ROBO2: variants seen among roughly 807,000 people sequenced by gnomAD.
The protein encoded by ROBO2 is roundabout guidance receptor 2, also known as roundabout homolog 2.
ROBO2 carries 53 observed loss-of-function variants against 160.8 expected under a neutral mutation model. The observed-to-expected ratio is 0.33, with a 90% CI of 0.26 to 0.41. The LOEUF (loss-of-function observed/expected upper bound fraction) is 0.41. Ranked by LOEUF, ROBO2 falls within the 10% of genes least tolerant of loss-of-function variation. ROBO2 has a pLI of 1.00. For synonymous variants in ROBO2, 664 were observed against 611.7 expected, an observed-to-expected ratio of 1.09 and a Z score of -1.26; for missense variants, 1,577 against 1,722.4, an observed-to-expected ratio of 0.92 and a Z score of 1.49.
intron 2 of ROBO2, among the ~76,000 whole-genome samples, chr3:76,905,654 A>G (rs1198082083): frequency 6.6e-6 from 1 of 152,146 alleles, no homozygotes; most frequent in Non-Finnish European, 1.5e-5. Flanking sequence ...CCTTTCCACC[A>G]GGATACTGCC....
intron 2 of ROBO2, among the ~76,000 whole-genome samples, chr3:76,102,903 C>T (rs1156963858): frequency 6.6e-6 from 1 of 151,752 alleles, no homozygotes; most frequent in African/African-American, 2.4e-5. Flanking sequence ...CGGCTCACTG[C>T]AAGCTCTGCC....
At chr3:77,489,199 G>A (rs1381761559) in intron 4 of ROBO2, among the ~76,000 whole-genome samples, 1 of 152,162 alleles carries the variant, frequency 6.6e-6, no homozygotes, top group Non-Finnish European at 1.5e-5. Flanking sequence ...ATGTTGATGT[G>A]TCATGTATGT....
chr3:76,036,604 A>G (rs2067117620), intron 2 of ROBO2, among the ~76,000 whole-genome samples: 1 of 151,858 alleles, frequency 6.6e-6, no homozygotes, highest in Admixed American at 6.6e-5. Flanking sequence ...TCCCAGGCTC[A>G]AGTGATTCTC....
At chr3:76,446,725 G>GA (rs1329704996) in intron 2 of ROBO2, among the ~76,000 whole-genome samples, 1 of 152,134 alleles carries the variant, frequency 6.6e-6, no homozygotes, top group East Asian at 1.9e-4. Context: ...AGAGCCCTCA[G>GA]AAATAATACC....
At chr3:77,044,933 C>T (rs945644532) in intron 1 of ROBO2, among the ~76,000 whole-genome samples, 13 of 152,112 alleles carry the variant, frequency 8.5e-5, no homozygotes, top group Non-Finnish European at 1.8e-4. Context: ...AATACATTGG[C>T]ATAGATATTG....
intron 2 of ROBO2, among the ~76,000 whole-genome samples, chr3:75,944,970 A>G (rs1021467647): frequency 6.6e-6 from 1 of 152,120 alleles, no homozygotes; most frequent in Non-Finnish European, 1.5e-5. Flanking sequence ...TTCATAGTTT[A>G]CGTACCTCCT....
chr3:76,273,510 G>A lies in ROBO2; in HGVS notation c.109+335908G>A, dbSNP rs555750126. ...TTGACTCACAGTTCTTCATGGCTGG[G>A]GAGGCCTCAGGAAACTTACAGTCAT... On this transcript the variant is annotated intron_variant, in intron 2 of 26. Coordinates refer to the ROBO2 transcript ENST00000487694. Among the ~76,000 whole-genome samples the A allele has an allele frequency of 1.1e-4, 17 of 152,180 alleles. 2 individuals carry two copies. The highest frequency in any genetic ancestry group is 4.1e-4 in the African/African-American group (17 of 41,530).
At chr3:75,908,330 T>G (rs1176870650) in intron 1 of ROBO2, among the ~76,000 whole-genome samples, 1 of 150,638 alleles carries the variant, frequency 6.6e-6, no homozygotes, top group Non-Finnish European at 1.5e-5. Flanking sequence ...ATTTTGTTCT[T>G]TCTTTAATGA....
rs74374824 is a variant in ROBO2, at chr3:76,808,527, A to C, written c.110-289487A>C. Among the ~76,000 whole-genome samples the C allele has an allele frequency of 1.2e-4, 18 of 152,274 alleles. No individual in the cohort carries two copies. The East Asian group carries it at 3.5e-3, about 29-fold the overall frequency. On this transcript the variant is annotated intron_variant, in intron 2 of 26. Coordinates refer to the ROBO2 transcript ENST00000487694. ...CAAAAAATAAGCAATGTAAATATAA[A>C]AAAGTTAAAATATATGGTATATAAG... is the stretch of plus-strand genomic sequence containing the variant.
chr3:76,899,432 C>T lies in ROBO2; in HGVS notation c.110-198582C>T, dbSNP rs116572106. Reference sequence around the variant, plus strand: ...TTAAATATGCCTCCTGCTTAGGGTCCGAAAGTTCTCTCTTACAGGGACTTA... The same window carrying T: ...TTAAATATGCCTCCTGCTTAGGGTCTGAAAGTTCTCTCTTACAGGGACTTA... On this transcript the variant is annotated intron_variant, in intron 2 of 26. Transcript: ENST00000487694. Among the ~76,000 whole-genome samples the T allele has an allele frequency of 2.0e-3, 298 of 152,106 alleles. 3 individuals carry two copies. The highest frequency in any genetic ancestry group is 6.8e-3 in the African/African-American group (282 of 41,498).
chr3:77,256,660 G>A (rs552791336), intron 2 of ROBO2, among the ~76,000 whole-genome samples: 1 of 152,320 alleles, frequency 6.6e-6, no homozygotes, highest in African/African-American at 2.4e-5. Flanking sequence ...TATTTGTGGA[G>A]AATATTGATG....
exon 23 of ROBO2, chr3:77,622,410 C>T (rs1190227073): frequency 1.9e-6 from 3 of 1,613,942 alleles, no homozygotes; most frequent in South Asian, 2.2e-5. Flanking sequence ...CCAGCATGGA[C>T]AATCTAGACA....
intron 2 of ROBO2, among the ~76,000 whole-genome samples, chr3:76,805,071 A>G (rs1413632091): frequency 6.6e-6 from 1 of 152,166 alleles, no homozygotes; most frequent in Non-Finnish European, 1.5e-5. Flanking sequence ...AACATTTTCA[A>G]TGCTCCATAT....
intron 2 of ROBO2, among the ~76,000 whole-genome samples, chr3:76,964,403 C>T (rs543116825): frequency 1.3e-5 from 2 of 152,074 alleles, no homozygotes; most frequent in Admixed American, 6.5e-5. Flanking sequence ...AGCGCAGTGG[C>T]GTGATCTCAG....
intron 2 of ROBO2, among the ~76,000 whole-genome samples, chr3:76,226,853 G>A (rs746544414): frequency 6.6e-6 from 1 of 152,018 alleles, no homozygotes; most frequent in South Asian, 2.1e-4. Flanking sequence ...CCTGTATTTG[G>A]CAAAGTTAAA....
intron 2 of ROBO2, among the ~76,000 whole-genome samples, chr3:76,198,190 C>G (rs550547492): frequency 7.3e-5 from 11 of 151,184 alleles, no homozygotes; most frequent in Admixed American, 1.3e-4. Context: ...TCAGACATAC[C>G]TCATCACACC....
chr3:76,316,531 C>G (rs970802064), intron 2 of ROBO2, among the ~76,000 whole-genome samples: 1 of 152,078 alleles, frequency 6.6e-6, no homozygotes, highest in Non-Finnish European at 1.5e-5. Flanking sequence ...TTATTCTGTT[C>G]TTTTTCAAGG....
chr3:76,265,098 G>A (rs1193986121), intron 2 of ROBO2, among the ~76,000 whole-genome samples: 1 of 152,078 alleles, frequency 6.6e-6, no homozygotes, highest in African/African-American at 2.4e-5. Flanking sequence ...CCCTCCTGCT[G>A]TTAAGAGGCA....
At chr3:77,101,355 G>A (rs1195319974) in intron 2 of ROBO2, among the ~76,000 whole-genome samples, 1 of 152,190 alleles carries the variant, frequency 6.6e-6, no homozygotes, top group African/African-American at 2.4e-5. Context: ...ATCCATAGAG[G>A]TGAGGGGCAG....
Sources: allele counts gnomAD v4.1 joint callset (sites outside exome capture counted in the v4.1 genomes callset), GRCh38; gene constraint gnomAD v4.1.1; transcripts MANE v1.5; gene names NCBI Gene and HGNC (gene_info 2026-07-23, HGNC 2026-07-21).